The following RAP1GAP variants were observed in gnomAD, a reference collection of about 807,000 sequenced individuals.
RAP1GAP encodes the protein rap1 GTPase-activating protein 1.
RAP1GAP carries 35 observed loss-of-function variants against 87.2 expected under a neutral mutation model. The observed-to-expected ratio is 0.40, with a 90% confidence interval of 0.31 to 0.53. The LOEUF is 0.53. RAP1GAP is among the 20% of genes least tolerant of loss of function. RAP1GAP has a pLI of 0.48. For missense variants in RAP1GAP, 734 were observed against 898.9 expected (o/e 0.82, Z 2.35); for synonymous variants, 375 against 363.9 (o/e 1.03, Z -0.35).
At chr1:21,650,802 T>A (rs1324980600) in intron 1 of RAP1GAP, among the ~76,000 whole-genome samples, 1 of 152,130 alleles carries the variant, frequency 6.6e-6, no homozygotes, top group Non-Finnish European at 1.5e-5. Context: ...AGACCCCATA[T>A]GGAAGGGTAG....
At chr1:21,642,889 C>CACACAT (rs1463460866) in intron 2 of RAP1GAP, among the ~76,000 whole-genome samples, 1 of 151,274 alleles carries the variant, frequency 6.6e-6, no homozygotes, top group East Asian at 1.9e-4. Flanking sequence ...CACACACACA[C>CACACAT]ACACACACAC....
At chr1:21,639,534 G>C in intron 2 of RAP1GAP, among the ~76,000 whole-genome samples, 1 of 152,136 alleles carries the variant, frequency 6.6e-6, no homozygotes, top group East Asian at 1.9e-4. Context: ...CTGTTTCCTC[G>C]GCTATAAAAT....
chr1:21,622,300 C>T lies in RAP1GAP; in HGVS notation c.-18-2250G>A, dbSNP rs2088643080. ...CCCAGCAGTCGGGGTGACCCAGCCC[C>T]GGGGTCCCTCCGCCATGCCGCCCCG... On this transcript the variant is annotated intron_variant, in intron 3 of 24. Transcript: ENST00000374765. The surrounding 1 kb of genome is among the most constrained non-coding windows in gnomAD (Gnocchi z 5.7). 4.0e-6 allele frequency: 2 copies of T among 499,836 alleles called. No homozygotes were observed. The highest frequency in any genetic ancestry group is 3.7e-5 in the East Asian group (1 of 27,222). The allele number at this position is 499,836 out of a possible 1,614,324, so 31.0% of individuals were successfully genotyped here. A position where few individuals can be genotyped will look rare whatever the true frequency, so the allele number is the denominator to read the frequency against.
At chr1:21,617,062 A>G (rs971964726) in intron 7 of RAP1GAP, among the ~76,000 whole-genome samples, 8 of 152,210 alleles carry the variant, frequency 5.3e-5, no homozygotes, top group African/African-American at 1.9e-4. Context: ...GCCCTGGTAG[A>G]GTCTCTGCCA....
Position 21,610,165 on chromosome 1 carries a change from G to A in RAP1GAP, c.954C>T (p.Val318=), listed in dbSNP as rs561575347. 102 of 1,614,138 alleles carry A rather than the reference G, an allele frequency of 6.3e-5. 1 individual carries two copies. The South Asian group carries it at 7.2e-4, about 11-fold the overall frequency. The part of the protein sequence containing the change: ...MIASNFLHAY[V]VVQAEGGGPD... ...GGCCCCCGCCCTCAGCCTGCACCAC[G>A]ACGTAGGCATGCAGGAAGTTGGACG... The change falls in exon 14 of 25, where the codon GTC becomes GTT. Residue 318 remains valine (V), a synonymous_variant. Coordinates refer to ENST00000374765, the MANE Select transcript of RAP1GAP (RefSeq NM_002885.4).
At chr1:21,619,315 G>A (rs1433002695) in intron 4 of RAP1GAP, among the ~76,000 whole-genome samples, 1 of 152,078 alleles carries the variant, frequency 6.6e-6, no homozygotes, top group Admixed American at 6.5e-5. Context: ...GAACGCACGT[G>A]CCGCTGGGAG....
At chr1:21,652,413 C>T (rs986168823) in intron 1 of RAP1GAP, among the ~76,000 whole-genome samples, 2 of 152,128 alleles carry the variant, frequency 1.3e-5, no homozygotes, top group African/African-American at 2.4e-5. Flanking sequence ...TTAATAAATG[C>T]CGGGTACAAG....
rs112188334 is a variant in RAP1GAP at position 21,629,844 on chromosome 1, A to G, written c.-112-3447T>C. Among the ~76,000 whole-genome samples, 288 of 152,350 alleles carry G rather than the reference A, an allele frequency of 1.9e-3. 1 individual carries two copies. The highest frequency in any genetic ancestry group is 3.4e-3 in the Non-Finnish European group (228 of 68,036). Reference sequence around the variant, plus strand: ...CCCAAGCTCACACAGGCAATGAGGCAGGCCAGGCATTTGGACACAGGTTTG... The same window carrying G: ...CCCAAGCTCACACAGGCAATGAGGCGGGCCAGGCATTTGGACACAGGTTTG... On this transcript the variant is annotated intron_variant, in intron 2 of 24. Coordinates refer to ENST00000374765, the MANE Select transcript of RAP1GAP (RefSeq NM_002885.4).
At position 21,598,077 on chromosome 1, in the gene RAP1GAP, G is replaced by GGC; in HGVS notation, c.1880-14_1880-13insGC. The GGC allele has an allele frequency of 7.4e-7, 1 of 1,354,530 alleles. No homozygotes were observed. Among genetic ancestry groups the GGC allele is most frequent in the Non-Finnish European group, 1.0e-6 (1 of 982,002 alleles). The allele number at this position is 1,354,530 out of a possible 1,614,324, so 83.9% of individuals were successfully genotyped here. ...GATCGAGAGGGGCCTGGGGAGGGGG[G>GGC]CAGGAGGGAGCCACCTCACTGGCCG... On this transcript the variant is annotated splice_polypyrimidine_tract_variant and intron_variant, in intron 22 of 24. Transcript: ENST00000374765.
At chr1:21,601,065 G>T (rs2067995789) in intron 20 of RAP1GAP, among the ~76,000 whole-genome samples, 1 of 148,118 alleles carries the variant, frequency 6.8e-6, no homozygotes, top group Non-Finnish European at 1.5e-5. Context: ...ATGATGTCCA[G>T]GCTAGAGTGC....
chr1:21,598,598 A>T, intron 21 of RAP1GAP, 96 bp from the exon 22 acceptor site: 2 of 1,001,936 alleles, frequency 2.0e-6, no homozygotes, highest in Non-Finnish European at 3.0e-6. Context: ...GCATTCCACA[A>T]CCCCCCACCC....
intron 1 of RAP1GAP, among the ~76,000 whole-genome samples, chr1:21,661,753 G>A (rs1353148355): frequency 6.6e-6 from 1 of 152,252 alleles, no homozygotes; most frequent in African/African-American, 2.4e-5. Flanking sequence ...CACGTGCAAG[G>A]ACAGCTGTGA....
In RAP1GAP at chr1:21,603,785, A is replaced by T; in HGVS notation, c.1429-872T>A. ...GCCTCCGTCCTGAGAGCGAGCAGAG[A>T]ACAGCGCGTGCAGGCAGCCTCCAGA... On this transcript the variant is annotated intron_variant, in intron 18 of 24. Transcript: ENST00000374765. This position sits in a 1 kb window ranked among gnomAD's most constrained non-coding sequence, Gnocchi z 6.0. 4 of 1,551,878 alleles carry T rather than the reference A, an allele frequency of 2.6e-6. No individual in the cohort carries two copies. In the South Asian group the frequency reaches 4.5e-5, roughly 17 times the overall value.
chr1:21,629,363 C>T (rs2093232362), intron 2 of RAP1GAP, among the ~76,000 whole-genome samples: 1 of 152,186 alleles, frequency 6.6e-6, no homozygotes, highest in African/African-American at 2.4e-5. Flanking sequence ...GACAAACCCC[C>T]TTCCAGAACC....
In RAP1GAP at chr1:21,626,533, A is replaced by T. The variant is rs12039278; in HGVS notation, c.-112-136T>A. 8.9e-5 allele frequency: 61 copies of T among 685,938 alleles called. 1 individual carries two copies. The East Asian group carries it at 1.1e-3, about 12-fold the overall frequency. 42.5% of individuals were successfully genotyped at this position (685,938 alleles called of 1,614,324 possible). A position where few individuals can be genotyped will look rare whatever the true frequency, so the allele number is the denominator to read the frequency against. On this transcript the variant is annotated intron_variant, in intron 2 of 24. Coordinates refer to ENST00000374765, the MANE Select transcript of RAP1GAP (RefSeq NM_002885.4). ...AGGAGAGGGTCATGGGTTCCCCAAG[A>T]GGAGGGAGAGGAGGGGCTTCATTAG... is the stretch of plus-strand genomic sequence containing the variant.
chr1:21,634,590 C>A lies in RAP1GAP; in HGVS notation c.-112-8193G>T, dbSNP rs1038240728. On this transcript the variant is annotated intron_variant, in intron 2 of 24. Coordinates refer to ENST00000374765, the MANE Select transcript of RAP1GAP (RefSeq NM_002885.4). The surrounding 1 kb of genome is among the most constrained non-coding windows in gnomAD (Gnocchi z 4.1). ...CAGAGGGATGGGCAGGAAGGTGGCA[C>A]ATGGGGCCGCCACCCTCGCCCCATG... Among the ~76,000 whole-genome samples, 8 of 152,210 alleles carry A rather than the reference C, an allele frequency of 5.3e-5. No individual in the cohort carries two copies. The highest frequency in any genetic ancestry group is 1.4e-4 in the African/African-American group (6 of 41,462).
rs201718797 is a variant in RAP1GAP, at chr1:21,609,681, C to G, written c.1000-35G>C. On this transcript the variant is annotated intron_variant, in intron 14 of 24. Coordinates refer to ENST00000374765, the MANE Select transcript of RAP1GAP (RefSeq NM_002885.4). The surrounding 1 kb of genome is among the most constrained non-coding windows in gnomAD (Gnocchi z 4.4). Reference sequence around the variant, plus strand: ...AGGGCAGCTGTCTGTTCCTGTGGAGCCTGGGGTCTGCTCTGCCCCACCCAG... The same window carrying G: ...AGGGCAGCTGTCTGTTCCTGTGGAGGCTGGGGTCTGCTCTGCCCCACCCAG... 2 of 1,501,636 alleles carry G rather than the reference C, an allele frequency of 1.3e-6. No individual in the cohort carries two copies. The highest frequency in any genetic ancestry group is 1.8e-6 in the Non-Finnish European group (2 of 1,114,684). 93.0% of individuals were successfully genotyped at this position (1,501,636 alleles called of 1,614,324 possible).
At chr1:21,639,647 G>A (rs1052125923) in intron 2 of RAP1GAP, among the ~76,000 whole-genome samples, 2 of 152,188 alleles carry the variant, frequency 1.3e-5, no homozygotes, top group African/African-American at 4.8e-5. Flanking sequence ...GTGTAGAGAA[G>A]AGTTATGACC....
chr1:21,650,047 G>A (rs868053575), intron 1 of RAP1GAP, among the ~76,000 whole-genome samples: 18 of 151,034 alleles, frequency 1.2e-4, no homozygotes, highest in African/African-American at 4.4e-4. Context: ...GGGGCAGGGG[G>A]CAGGGCTGTG....
Sources: allele counts gnomAD v4.1 joint callset (sites outside exome capture counted in the v4.1 genomes callset), GRCh38; gene constraint gnomAD v4.1.1; non-coding constraint Gnocchi (gnomAD v3.1); transcripts MANE v1.5; gene names NCBI Gene and HGNC (gene_info 2026-07-23, HGNC 2026-07-21).